FSTL5: variants seen among roughly 807,000 people sequenced by gnomAD.
FSTL5 encodes the protein follistatin-related protein 5.
Under a neutral mutation model 89.1 loss-of-function variants are expected in FSTL5, and 62 were observed. The ratio of observed to expected loss-of-function variants is 0.70; its 90% CI spans 0.57 to 0.86. FSTL5 has a LOEUF of 0.86. Among genes scored for constraint, FSTL5 ranks in the 40% least tolerant of loss-of-function variants. FSTL5 has a pLI of 0.00. For missense variants in FSTL5, 1,057 were observed against 1,001.6 expected, an observed-to-expected ratio of 1.06 and a Z score of -0.75; for synonymous variants, 383 against 346.2, an observed-to-expected ratio of 1.11 and a Z score of -1.18.
chr4:161,557,104 G>A (rs554898667), intron 8 of FSTL5, among the ~76,000 whole-genome samples: 2 of 151,232 alleles, frequency 1.3e-5, no homozygotes, highest in South Asian at 4.2e-4. Context: ...TTTTGAAAAA[G>A]CACTCTTAAA....
intron 6 of FSTL5, among the ~76,000 whole-genome samples, chr4:161,752,223 GGACA>G (rs762434395): frequency 0.016 from 2,083 of 133,696 alleles, 49 homozygotes; most frequent in African/African-American, 0.053. Flanking sequence ...GATGATAGAT[GGACA>G]GATAGATAGA....
intron 6 of FSTL5, among the ~76,000 whole-genome samples, chr4:161,659,184 A>T (rs951875779): frequency 1.3e-5 from 2 of 152,176 alleles, no homozygotes; most frequent in Non-Finnish European, 2.9e-5. Flanking sequence ...TTTTCATGTT[A>T]TGGCTACATT....
At chr4:161,500,156 A>C in intron 11 of FSTL5, 22 bp from the exon 12 acceptor site, 1 of 1,393,896 alleles carries the variant, frequency 7.2e-7, no homozygotes, top group Non-Finnish European at 1.0e-6. Flanking sequence ...AAACACATTT[A>C]AATGTTCAAA....
intron 12 of FSTL5, among the ~76,000 whole-genome samples, chr4:161,497,616 T>G (rs1426763934): frequency 6.9e-6 from 1 of 145,408 alleles, no homozygotes; most frequent in Non-Finnish European, 1.5e-5. Flanking sequence ...TTATAAACTT[T>G]TTAATATAGT....
chr4:161,409,262 GT>G lies in FSTL5; in HGVS notation c.1842-22814del, dbSNP rs1731503792. Reference sequence around the variant, plus strand: ...GAAGAGACTGGGGCCTGTTTTCAGTGTTCTTAAAGAAAAGAAATTTCAATCA... The same window carrying G: ...GAAGAGACTGGGGCCTGTTTTCAGTGTCTTAAAGAAAAGAAATTTCAATCA... On this transcript the variant is annotated intron_variant, in intron 15 of 15. Coordinates refer to ENST00000306100, the MANE Select transcript of FSTL5 (RefSeq NM_020116.5). Among the ~76,000 whole-genome samples the G allele has an allele frequency of 2.0e-5, 3 of 152,236 alleles. No homozygotes were observed. In the South Asian group the frequency reaches 6.2e-4, roughly 32 times the overall value.
chr4:161,882,797 C>G (rs1018281942), intron 4 of FSTL5, among the ~76,000 whole-genome samples: 1 of 152,078 alleles, frequency 6.6e-6, no homozygotes, highest in Non-Finnish European at 1.5e-5. Flanking sequence ...CTCGAGTTGT[C>G]TTTCCAGCTG....
intron 4 of FSTL5, among the ~76,000 whole-genome samples, chr4:161,903,857 C>G (rs1233351692): frequency 2.0e-5 from 3 of 151,934 alleles, no homozygotes; most frequent in Non-Finnish European, 4.4e-5. Context: ...CATCCTTACT[C>G]TGTTCCTCTG....
At chr4:161,621,296 A>ATATATT in intron 7 of FSTL5, among the ~76,000 whole-genome samples, 1 of 151,848 alleles carries the variant, frequency 6.6e-6, no homozygotes, top group Non-Finnish European at 1.5e-5. Context: ...ACACACACAC[A>ATATATT]CACACACACA....
chr4:162,067,027 C>G (rs1037360095), intron 2 of FSTL5, among the ~76,000 whole-genome samples: 7 of 151,912 alleles, frequency 4.6e-5, no homozygotes, highest in Admixed American at 2.0e-4. Flanking sequence ...AATGGTTGAA[C>G]TAAGTCCTTT....
At chr4:162,002,425 C>T (rs1736491374) in intron 3 of FSTL5, among the ~76,000 whole-genome samples, 1 of 152,194 alleles carries the variant, frequency 6.6e-6, no homozygotes, top group African/African-American at 2.4e-5. Flanking sequence ...AGGAACTCCT[C>T]TTAGGCTATC....
chr4:161,547,755 TATG>T (rs1234585640), intron 8 of FSTL5, among the ~76,000 whole-genome samples: 1 of 151,912 alleles, frequency 6.6e-6, no homozygotes, highest in East Asian at 1.9e-4. Context: ...TTTTCTTCAG[TATG>T]ATAAGGGTTA....
At chr4:162,042,333 C>A (rs1344288609) in intron 2 of FSTL5, among the ~76,000 whole-genome samples, 1 of 151,980 alleles carries the variant, frequency 6.6e-6, no homozygotes, top group Non-Finnish European at 1.5e-5. Flanking sequence ...ATGTTCAAAT[C>A]CAATGAATAT....
intron 4 of FSTL5, among the ~76,000 whole-genome samples, chr4:161,901,517 T>C (rs572949030): frequency 6.6e-6 from 1 of 152,230 alleles, no homozygotes; most frequent in Admixed American, 6.5e-5. Context: ...ATGAATTTCG[T>C]TTTGGGTATT....
At chr4:161,442,303 G>A (rs970447496) in intron 15 of FSTL5, among the ~76,000 whole-genome samples, 3 of 151,926 alleles carry the variant, frequency 2.0e-5, no homozygotes, top group African/African-American at 4.8e-5. Context: ...ATTTCTATGT[G>A]CCATAGAGAT....
chr4:161,450,138 T>C (rs1191194041), intron 15 of FSTL5, among the ~76,000 whole-genome samples: 5 of 152,204 alleles, frequency 3.3e-5, no homozygotes, highest in Non-Finnish European at 7.3e-5. Context: ...AAAAATTTCA[T>C]GGAAATTACT....
chr4:161,681,522 G>A (rs950642932), intron 6 of FSTL5, among the ~76,000 whole-genome samples: 1 of 152,010 alleles, frequency 6.6e-6, no homozygotes. Context: ...GATACTCCAA[G>A]GTCTGCCCAT....
At chr4:161,714,176 T>A (rs1560804696) in intron 6 of FSTL5, among the ~76,000 whole-genome samples, 1 of 152,186 alleles carries the variant, frequency 6.6e-6, no homozygotes, top group Non-Finnish European at 1.5e-5. Flanking sequence ...GCCTTCCATC[T>A]GGCTAGATGA....
At chr4:161,629,304 C>G (rs1239415643) in intron 7 of FSTL5, among the ~76,000 whole-genome samples, 1 of 151,966 alleles carries the variant, frequency 6.6e-6, no homozygotes, top group Non-Finnish European at 1.5e-5. Flanking sequence ...AGTGAAAACA[C>G]AAGAGACAAA....
At chr4:161,708,962 T>C (rs1235387821) in intron 6 of FSTL5, among the ~76,000 whole-genome samples, 1 of 152,194 alleles carries the variant, frequency 6.6e-6, no homozygotes, top group East Asian at 1.9e-4. Flanking sequence ...TTTAGTGTTT[T>C]ATATCATAAC....
Sources: allele counts gnomAD v4.1 joint callset (sites outside exome capture counted in the v4.1 genomes callset), GRCh38; gene constraint gnomAD v4.1.1; transcripts MANE v1.5; gene names NCBI Gene and HGNC (gene_info 2026-07-23, HGNC 2026-07-21).